The following TNIK variants were observed in gnomAD, a reference collection of about 807,000 sequenced individuals.
The protein encoded by TNIK is TRAF2 and NCK interacting kinase.
In TNIK, 49 loss-of-function variants were observed where a neutral mutation model predicts 191.3. That is an observed-to-expected ratio of 0.26 (90% CI 0.20 to 0.32). TNIK has a LOEUF of 0.32. TNIK is among the 10% of genes least tolerant of loss of function. The probability of loss-of-function intolerance (pLI) is 1.00; values close to 1 mark genes in which losing one functional copy is unlikely to be tolerated. For missense variants in TNIK, 1,155 were observed against 1,702.3 expected (o/e 0.68, Z 5.66); for synonymous variants, 594 against 600.9 (o/e 0.99, Z 0.17).
At chr3:171,319,745 G>T (rs1216242711) in intron 2 of TNIK, among the ~76,000 whole-genome samples, 1 of 152,126 alleles carries the variant, frequency 6.6e-6, no homozygotes, top group Non-Finnish European at 1.5e-5. Context: ...ACCTTTTTAA[G>T]GTACCAGAAA....
chr3:171,358,297 T>C (rs1442973419), intron 2 of TNIK, among the ~76,000 whole-genome samples: 5 of 152,198 alleles, frequency 3.3e-5, no homozygotes, highest in African/African-American at 1.2e-4. Flanking sequence ...AGAGGTTTAA[T>C]TGACTCACAG....
At chr3:171,178,985 G>A (rs1489614133) in intron 7 of TNIK, among the ~76,000 whole-genome samples, 1 of 152,086 alleles carries the variant, frequency 6.6e-6, no homozygotes, top group Non-Finnish European at 1.5e-5. Flanking sequence ...TTGGGCAGAG[G>A]TCTGCACAAT....
intron 22 of TNIK, among the ~76,000 whole-genome samples, chr3:171,098,730 A>G (rs1230235572): frequency 6.6e-6 from 1 of 152,172 alleles, no homozygotes; most frequent in East Asian, 1.9e-4. Context: ...CCTTAACAAA[A>G]AATAAAGGTA....
intron 1 of TNIK, among the ~76,000 whole-genome samples, chr3:171,448,519 G>A (rs1321730669): frequency 1.3e-5 from 2 of 150,200 alleles, no homozygotes; most frequent in Admixed American, 6.6e-5. Context: ...ATTGGTTGAT[G>A]GACACTTGGG....
chr3:171,251,211 G>T (rs1290105349), intron 2 of TNIK, among the ~76,000 whole-genome samples: 1 of 152,190 alleles, frequency 6.6e-6, no homozygotes, highest in Non-Finnish European at 1.5e-5. Flanking sequence ...GCAGAGAACA[G>T]CAGGAACAGA....
chr3:171,173,727 C>T (rs1304689269), intron 9 of TNIK, among the ~76,000 whole-genome samples: 2 of 152,038 alleles, frequency 1.3e-5, no homozygotes, highest in Non-Finnish European at 2.9e-5. Flanking sequence ...GCTCAGAATA[C>T]GTGTCCTGCA....
intron 3 of TNIK, among the ~76,000 whole-genome samples, chr3:171,223,240 G>A (rs113151545): frequency 1.3e-4 from 20 of 152,216 alleles, no homozygotes; most frequent in Admixed American, 4.6e-4. Flanking sequence ...CTGTCCTCCT[G>A]GGCTTCCTCA....
At chr3:171,414,535 A>G (rs1460339838) in intron 1 of TNIK, among the ~76,000 whole-genome samples, 7 of 152,230 alleles carry the variant, frequency 4.6e-5, no homozygotes, top group Non-Finnish European at 1.0e-4. Context: ...GCATGCTTCC[A>G]GCAGCCCCAA....
At position 171,157,509 on chromosome 3, in the gene TNIK, C is replaced by G. The variant is rs745976368; in HGVS notation, c.1172G>C (p.Arg391Pro). Residue 391 changes from arginine to proline, a missense_variant, in exon 12 of 33, where the codon CGT becomes CCT. This residue lies in a region of TNIK where 735 missense variants were observed against 848.0 expected (regional missense o/e 0.87). Transcript: ENST00000436636. ...EEHKRQLLAERQKRIEEQKEQ... is the reference protein window; with the variant it reads ...EEHKRQLLAEPQKRIEEQKEQ... Reference sequence around the variant, plus strand: ...TTTCTGCTCCTCGATGCGCTTCTGACGCTCGGCCAGCAGCTGCCGCTTGTG... The same window carrying G: ...TTTCTGCTCCTCGATGCGCTTCTGAGGCTCGGCCAGCAGCTGCCGCTTGTG... 6.3e-7 allele frequency: 1 copy of G among 1,575,686 alleles called. No homozygotes were observed. Among genetic ancestry groups the G allele is most frequent in the Admixed American group, 1.8e-5 (1 of 54,516 alleles).
chr3:171,210,379 C>T (rs1182285958), intron 4 of TNIK, among the ~76,000 whole-genome samples: 1 of 152,118 alleles, frequency 6.6e-6, no homozygotes, highest in Non-Finnish European at 1.5e-5. Flanking sequence ...GGACAGAAAC[C>T]AGGAAGGCTC....
At chr3:171,379,086 G>A (rs757536923) in intron 1 of TNIK, among the ~76,000 whole-genome samples, 2 of 152,202 alleles carry the variant, frequency 1.3e-5, no homozygotes, top group South Asian at 4.1e-4. Flanking sequence ...CAGAAATGAT[G>A]TAAGAAGATT....
At chr3:171,171,318 C>T (rs1254390631) in intron 9 of TNIK, among the ~76,000 whole-genome samples, 1 of 152,150 alleles carries the variant, frequency 6.6e-6, no homozygotes, top group African/African-American at 2.4e-5. Flanking sequence ...GAACTTTGTC[C>T]TATCTCAAAA....
chr3:171,131,293 G>C (rs1009838743), intron 15 of TNIK, among the ~76,000 whole-genome samples: 1 of 123,710 alleles, frequency 8.1e-6, no homozygotes, highest in African/African-American at 3.0e-5. Context: ...AGCCGAGATC[G>C]CGCCACTGCA....
At chr3:171,402,795 T>C (rs932327501) in intron 1 of TNIK, among the ~76,000 whole-genome samples, 2 of 152,224 alleles carry the variant, frequency 1.3e-5, no homozygotes, top group Non-Finnish European at 2.9e-5. Flanking sequence ...TTTTGAAGCA[T>C]ATCCAGCTCA....
At chr3:171,075,021 G>A (rs761898586) in intron 28 of TNIK, among the ~76,000 whole-genome samples, 16 of 152,234 alleles carry the variant, frequency 1.1e-4, no homozygotes, top group Non-Finnish European at 1.8e-4. Flanking sequence ...AGAAATGTTA[G>A]AAGGGCCAAC....
chr3:171,075,220 T>C (rs1719738412), intron 28 of TNIK, among the ~76,000 whole-genome samples: 1 of 152,234 alleles, frequency 6.6e-6, no homozygotes, highest in Non-Finnish European at 1.5e-5. Flanking sequence ...GACTAACAAA[T>C]GCCAAGTAAT....
At chr3:171,415,154 C>T (rs1193205841) in intron 1 of TNIK, among the ~76,000 whole-genome samples, 2 of 152,198 alleles carry the variant, frequency 1.3e-5, no homozygotes, top group Middle Eastern at 3.2e-3. Flanking sequence ...GCATGGCCTG[C>T]TCCCTTTCCT....
At chr3:171,120,377 G>A (rs1727505472) in intron 18 of TNIK, among the ~76,000 whole-genome samples, 1 of 149,360 alleles carries the variant, frequency 6.7e-6, no homozygotes, top group Admixed American at 6.7e-5. Flanking sequence ...CTGGAGTGCA[G>A]GGGTGTGATC....
intron 4 of TNIK, among the ~76,000 whole-genome samples, chr3:171,201,400 A>AAAAT (rs950569455): frequency 1.3e-4 from 20 of 152,132 alleles, no homozygotes; most frequent in Middle Eastern, 3.4e-3. Flanking sequence ...ACTCCGTCTC[A>AAAAT]AAATAAATAA....
Sources: allele counts gnomAD v4.1 joint callset (sites outside exome capture counted in the v4.1 genomes callset), GRCh38; gene constraint gnomAD v4.1.1; regional missense constraint gnomAD v4.1.1; transcripts MANE v1.5; gene names NCBI Gene and HGNC (gene_info 2026-07-23, HGNC 2026-07-21).